C12orf42: variants seen among roughly 807,000 people sequenced by gnomAD.
C12orf42 encodes chromosome 12 open reading frame 42, also known as uncharacterized protein C12orf42.
In C12orf42, 25 loss-of-function variants were observed where a neutral mutation model predicts 21.6. The observed-to-expected ratio is 1.16, with a 90% CI of 0.84 to 1.62. The LOEUF (loss-of-function observed/expected upper bound fraction) is 1.62. C12orf42 is among the 40% of genes most tolerant of loss of function. C12orf42 has a pLI of 0.00. For missense variants in C12orf42, 483 were observed against 459.3 expected, an observed-to-expected ratio of 1.05 and a Z score of -0.47; for synonymous variants, 174 against 175.0, an observed-to-expected ratio of 0.99 and a Z score of 0.05.
intron 4 of C12orf42, among the ~76,000 whole-genome samples, chr12:103,278,707 G>A (rs1331938933): frequency 6.6e-6 from 1 of 152,186 alleles, no homozygotes. Flanking sequence ...ATAGCAACGT[G>A]GACATTTCAC....
intron 4 of C12orf42, among the ~76,000 whole-genome samples, chr12:103,322,284 T>A (rs2040256114): frequency 6.6e-6 from 1 of 152,100 alleles, no homozygotes; most frequent in African/African-American, 2.4e-5. Flanking sequence ...CCTACCCCCA[T>A]CCACAGTTGA....
intron 1 of C12orf42, among the ~76,000 whole-genome samples, chr12:103,493,991 G>A (rs1593029530): frequency 2.0e-5 from 3 of 152,040 alleles, no homozygotes; most frequent in Admixed American, 6.6e-5. Flanking sequence ...TTACCAAAAC[G>A]AAGGCTCAAA....
chr12:103,269,932 C>T (rs1184722444), intron 5 of C12orf42: 1 of 152,150 alleles, frequency 6.6e-6, no homozygotes, highest in African/African-American at 2.4e-5. Context: ...ACTTGAATAA[C>T]ACAGCCGTTT....
At chr12:103,200,949 T>C in the C12orf42 span, among the ~76,000 whole-genome samples, 62,798 of 152,062 alleles carry the variant, frequency 0.41, 13,394 homozygotes, top group South Asian at 0.49. Context: ...CTTTGGGATT[T>C]GATGATCTCT....
chr12:103,455,704 G>A (rs1198652575), intron 2 of C12orf42, among the ~76,000 whole-genome samples: 3 of 152,134 alleles, frequency 2.0e-5, no homozygotes, highest in East Asian at 1.9e-4. Context: ...TAGAGAGCAG[G>A]AGAAGAAGAA....
chr12:103,215,043 T>G, the C12orf42 span, among the ~76,000 whole-genome samples: 12 of 152,288 alleles, frequency 7.9e-5, no homozygotes, highest in African/African-American at 2.9e-4. Context: ...GGCAGTTCAT[T>G]TGATTTAGCA....
At chr12:103,554,775 A>G in the C12orf42 span, among the ~76,000 whole-genome samples, 1 of 152,166 alleles carries the variant, frequency 6.6e-6, no homozygotes, top group African/African-American at 2.4e-5. Flanking sequence ...TGAGAACTCT[A>G]TCGCAAGACA....
chr12:103,378,287 C>A (rs1205851473), intron 3 of C12orf42, among the ~76,000 whole-genome samples: 1 of 151,590 alleles, frequency 6.6e-6, no homozygotes, highest in Non-Finnish European at 1.5e-5. Context: ...ACTGCTCACT[C>A]GTCTACACTG....
intron 1 of C12orf42, among the ~76,000 whole-genome samples, chr12:103,481,833 T>C (rs1307545074): frequency 6.6e-6 from 1 of 151,670 alleles, no homozygotes; most frequent in East Asian, 1.9e-4. Flanking sequence ...ACTTTTAGAA[T>C]TGACTAAATT....
At chr12:103,197,054 GT>G in the C12orf42 span, among the ~76,000 whole-genome samples, 1 of 152,074 alleles carries the variant, frequency 6.6e-6, no homozygotes, top group Non-Finnish European at 1.5e-5. Flanking sequence ...AGCTGGTAAT[GT>G]TTTTTCATTT....
chr12:103,098,520 CAA>C, the C12orf42 span, among the ~76,000 whole-genome samples: 14 of 152,100 alleles, frequency 9.2e-5, no homozygotes, highest in Admixed American at 2.0e-4. Context: ...AAAAACAATT[CAA>C]AGTCTGCGTT....
At chr12:103,403,128 C>T (rs1007846709) in intron 2 of C12orf42, among the ~76,000 whole-genome samples, 1 of 152,124 alleles carries the variant, frequency 6.6e-6, no homozygotes, top group Non-Finnish European at 1.5e-5. Flanking sequence ...GTAATCCCAG[C>T]ACTTTGGGAG....
the C12orf42 span, among the ~76,000 whole-genome samples, chr12:103,180,770 A>G: frequency 6.6e-5 from 10 of 151,066 alleles, no homozygotes; most frequent in Admixed American, 6.6e-4. Context: ...CTGGGATTAC[A>G]GGCATGTGCC....
At chr12:103,453,114 T>G (rs1952058673) in intron 2 of C12orf42, among the ~76,000 whole-genome samples, 1 of 152,014 alleles carries the variant, frequency 6.6e-6, no homozygotes, top group South Asian at 2.1e-4. Flanking sequence ...GAATAATCAA[T>G]TCTCTCAATG....
chr12:103,263,626 C>T (rs538504185), downstream of C12orf42, among the ~76,000 whole-genome samples: 7 of 152,266 alleles, frequency 4.6e-5, no homozygotes, highest in African/African-American at 1.4e-4. Context: ...TCCTTCCACA[C>T]GTGCTCAGCC....
downstream of C12orf42, among the ~76,000 whole-genome samples, chr12:103,265,837 T>C (rs1011788438): frequency 1.1e-4 from 17 of 148,838 alleles, no homozygotes; most frequent in African/African-American, 4.3e-4. Context: ...TTTTGTTTTG[T>C]TTGCAATGGG....
At chr12:103,340,835 T>TGGGC (rs1018499053) in intron 4 of C12orf42, among the ~76,000 whole-genome samples, 6 of 152,138 alleles carry the variant, frequency 3.9e-5, no homozygotes, top group African/African-American at 1.4e-4. Flanking sequence ...AGCAATAGGC[T>TGGGC]GGGCGCAGTG....
At chr12:103,160,604 G>C in the C12orf42 span, among the ~76,000 whole-genome samples, 3 of 152,134 alleles carry the variant, frequency 2.0e-5, no homozygotes, top group African/African-American at 7.2e-5. Context: ...ATTGCAGGCT[G>C]TCTATATTTG....
chr12:103,555,830 G>T, the C12orf42 span, among the ~76,000 whole-genome samples: 1 of 152,042 alleles, frequency 6.6e-6, no homozygotes, highest in South Asian at 2.1e-4. Context: ...TACTAGGAGG[G>T]TGTGGTTAAT....
Sources: allele counts gnomAD v4.1 joint callset (sites outside exome capture counted in the v4.1 genomes callset), GRCh38; gene constraint gnomAD v4.1.1; transcripts MANE v1.5; gene names NCBI Gene and HGNC (gene_info 2026-07-23, HGNC 2026-07-21).